ZNF212: variants seen among roughly 807,000 people sequenced by gnomAD.
The protein encoded by ZNF212 is zinc finger protein 212.
Under a neutral mutation model 47.3 loss-of-function variants are expected in ZNF212, and 32 were observed. The ratio of observed to expected loss-of-function variants is 0.68; its 90% confidence interval spans 0.51 to 0.91. The LOEUF is 0.91. ZNF212 is among the 40% of genes least tolerant of loss of function. ZNF212 has a pLI of 0.00. For synonymous variants in ZNF212, 242 were observed against 253.8 expected (o/e 0.95, Z 0.44); for missense variants, 555 against 622.8 (o/e 0.89, Z 1.16).
chr7:149,246,431 G>A lies in ZNF212; in HGVS notation c.25-3728G>A, dbSNP rs1796677646. 2.7e-5 allele frequency among the ~76,000 whole-genome samples: 4 copies of A among 150,308 alleles called. No individual in the cohort carries two copies. In the South Asian group the frequency reaches 8.4e-4, roughly 31 times the overall value. ...GGAGTCTTATTCTGTTGCCCAGGCT[G>A]GAGTGCAGTGACGTGATCTCAGCTC... On this transcript the variant is annotated intron_variant, in intron 1 of 4. Coordinates refer to ENST00000335870, the MANE Select transcript of ZNF212 (RefSeq NM_012256.4).
At chr7:149,246,588 A>G (rs1432755789) in intron 1 of ZNF212, among the ~76,000 whole-genome samples, 3 of 152,054 alleles carry the variant, frequency 2.0e-5, no homozygotes, top group African/African-American at 7.2e-5. Context: ...GGGTTTCACC[A>G]TGTTAGCCAG....
At position 149,245,753 on chromosome 7, in the gene ZNF212, C is replaced by T. The variant is rs141943339; in HGVS notation, c.25-4406C>T. 4.5e-3 allele frequency among the ~76,000 whole-genome samples: 686 copies of T among 152,308 alleles called. 4 individuals are homozygous for T. Among genetic ancestry groups the T allele is most frequent in the Admixed American group, 7.7e-3 (118 of 15,276 alleles). On this transcript the variant is annotated intron_variant, in intron 1 of 4. Transcript: ENST00000335870. ...AACTCCTGGGCTCAAGCTGTCCTCC[C>T]GCCTCAAGCCTCCCGAAGTGCTGGG...
chr7:149,241,934 C>T (rs771256755), intron 1 of ZNF212, among the ~76,000 whole-genome samples: 7 of 152,040 alleles, frequency 4.6e-5, no homozygotes, highest in Admixed American at 3.3e-4. Flanking sequence ...AGTTGTTAAA[C>T]CTTGGCACTG....
In ZNF212 at chr7:149,255,542, CA is replaced by C. The variant is rs761681395; in HGVS notation, c.*1128del. ...AGTGGGCTCTGGGGTCATATGTGAA[CA>C]TCCCCTTGGATGATTTGCGGTTGCT... On this transcript the variant is annotated 3_prime_UTR_variant, in exon 5 of 5. Coordinates refer to ENST00000335870, the MANE Select transcript of ZNF212 (RefSeq NM_012256.4). The C allele has an allele frequency of 6.5e-6, 1 of 153,530 alleles. No homozygotes were observed. The highest frequency in any genetic ancestry group is 1.5e-5 in the Non-Finnish European group (1 of 68,010). The allele number at this position is 153,530 out of a possible 1,614,324, so 9.5% of individuals were successfully genotyped here. A position where few individuals can be genotyped will look rare whatever the true frequency, so the allele number is the denominator to read the frequency against.
At chr7:149,246,642 G>A (rs552403494) in intron 1 of ZNF212, among the ~76,000 whole-genome samples, 124 of 151,964 alleles carry the variant, frequency 8.2e-4, no homozygotes, top group African/African-American at 2.8e-3. Context: ...CGCCCTCCTC[G>A]GCCTCCCAAA....
intron 3 of ZNF212, chr7:149,251,062 T>C (rs1285646697): frequency 2.5e-6 from 1 of 399,846 alleles, no homozygotes; most frequent in African/African-American, 2.0e-5. Context: ...GTTTTTTTTT[T>C]TTTTTTCCTG....
intron 1 of ZNF212, among the ~76,000 whole-genome samples, chr7:149,246,665 T>A (rs1190510028): frequency 6.6e-6 from 1 of 152,012 alleles, no homozygotes; most frequent in African/African-American, 2.4e-5. Flanking sequence ...GCTGGGGTTA[T>A]AGGTGTGAGC....
rs1049775967 is a variant in ZNF212, at chr7:149,253,842, C to A, written c.915C>A (p.Gly305=). Residue 305 remains glycine (G), a synonymous_variant, in exon 5 of 5, where the codon GGC becomes GGA. Coordinates refer to ENST00000335870, the MANE Select transcript of ZNF212 (RefSeq NM_012256.4). The part of the protein sequence containing the change: ...QVQLDQECGQ[G]LKLKKDTSRP... Reference sequence around the variant, plus strand: ...AGCTGGACCAGGAATGTGGGCAGGGCCTGAAGCTGAAAAAGGACACTTCCC... The same window carrying A: ...AGCTGGACCAGGAATGTGGGCAGGGACTGAAGCTGAAAAAGGACACTTCCC... 6.2e-7 allele frequency: 1 copy of A among 1,613,984 alleles called. No individual in the cohort carries two copies. Among genetic ancestry groups the A allele is most frequent in the Admixed American group, 1.7e-5 (1 of 60,020 alleles).
Position 149,254,487 on chromosome 7 carries a change from AG to A in ZNF212, c.*75del. 6.0e-6 allele frequency: 9 copies of A among 1,510,224 alleles called. No homozygotes were observed. Among genetic ancestry groups the A allele is most frequent in the Non-Finnish European group, 7.9e-6 (9 of 1,139,458 alleles). 93.6% of individuals were successfully genotyped at this position (1,510,224 alleles called of 1,614,324 possible). A position where few individuals can be genotyped will look rare whatever the true frequency, so the allele number is the denominator to read the frequency against. ...GTTCCCCCGAAGAGACACTGCAGTC[AG>A]GGACTGAGTTCTTCCTGAGGGCAGT... On this transcript the variant is annotated 3_prime_UTR_variant, in exon 5 of 5. Transcript: ENST00000335870. The surrounding 1 kb of genome is among the most constrained non-coding windows in gnomAD (Gnocchi z 4.5).
At chr7:149,251,941 T>TAAAAAAAAAAAAAA (rs36067111) in intron 3 of ZNF212, among the ~76,000 whole-genome samples, 1 of 109,540 alleles carries the variant, frequency 9.1e-6, no homozygotes, top group African/African-American at 3.5e-5. Context: ...CTCTGTTGCT[T>TAAAAAAAAAAAAAA]AAAAAAAAAA....
chr7:149,249,470 T>C (rs1331261873), intron 1 of ZNF212, among the ~76,000 whole-genome samples: 3 of 152,014 alleles, frequency 2.0e-5, no homozygotes, highest in African/African-American at 7.2e-5. Context: ...TAAAAATAGG[T>C]TTAAAAATGA....
At chr7:149,241,431 CAAAAAAAAAAA>C (rs35747561) in intron 1 of ZNF212, among the ~76,000 whole-genome samples, 3 of 76,742 alleles carry the variant, frequency 3.9e-5, no homozygotes, top group Admixed American at 3.0e-4. Flanking sequence ...GACTCTGTCT[CAAAAAAAAAAA>C]AAAAAAAAAA....
At chr7:149,248,427 T>G (rs948105451) in intron 1 of ZNF212, among the ~76,000 whole-genome samples, 1 of 152,226 alleles carries the variant, frequency 6.6e-6, no homozygotes, top group Non-Finnish European at 1.5e-5. Flanking sequence ...GAGACACAAT[T>G]CAACCCATAA....
Position 149,250,802 on chromosome 7 carries a change from C to T in ZNF212, c.536C>T (p.Ser179Phe), listed in dbSNP as rs1182555385. ...VMESNYETLV[S>F]LKVLGQTEGE... ...GAGAGTAACTATGAGACACTGGTCT[C>T]TCTGAGTGAGTAGCAGTTTTCTCCC... is the stretch of plus-strand genomic sequence containing the variant. Residue 179 changes from serine (S) to phenylalanine (F), a missense_variant, in exon 3 of 5, where the codon TCT becomes TTT. Physicochemically the swap from Ser to Phe is radical, Grantham distance 155. Transcript: ENST00000335870. 1 of 1,614,208 alleles carries T rather than the reference C, an allele frequency of 6.2e-7. No individual in the cohort carries two copies.
Position 149,253,868 on chromosome 7 carries a change from G to C in ZNF212, c.941G>C (p.Arg314Pro). The C allele has an allele frequency of 6.2e-7, 1 of 1,613,974 alleles. No individual in the cohort carries two copies. Among genetic ancestry groups the C allele is most frequent in the Non-Finnish European group, 8.5e-7 (1 of 1,180,032 alleles). Residue 314 changes from arginine to proline, a missense_variant, in exon 5 of 5, where the codon CGC becomes CCC. Physicochemically the swap from Arg to Pro is moderately radical, Grantham distance 103. Coordinates refer to ENST00000335870, the MANE Select transcript of ZNF212 (RefSeq NM_012256.4). ...QGLKLKKDTS[R>P]PYECSECEIT... ...CTGAAGCTGAAAAAGGACACTTCCC[G>C]CCCCTACGAATGTTCTGAGTGTGAG...
In ZNF212 at chr7:149,247,734, C is replaced by T. The variant is rs144679149; in HGVS notation, c.25-2425C>T. ...TTCCTTATGAGTTTTGTGTTTCTCT[C>T]CTAGCTTCTGGTGGTCCCATGTGTT... On this transcript the variant is annotated intron_variant, in intron 1 of 4. Transcript: ENST00000335870. Among the ~76,000 whole-genome samples the T allele has an allele frequency of 2.2e-4, 34 of 152,158 alleles. No homozygotes were observed. The East Asian group carries it at 6.4e-3, about 28-fold the overall frequency.
intron 3 of ZNF212, 81 bp from the exon 4 acceptor site, chr7:149,252,625 C>A: frequency 2.4e-6 from 3 of 1,268,392 alleles, no homozygotes; most frequent in South Asian, 1.2e-5. Flanking sequence ...TGCCATTGGT[C>A]ATCTTGGTCA....
rs1796825971 is a variant in ZNF212 at position 149,255,503 on chromosome 7, T to C, written c.*1088T>C. 6.5e-6 allele frequency: 1 copy of C among 153,686 alleles called. No homozygotes were observed. Among genetic ancestry groups the C allele is most frequent in the Non-Finnish European group, 1.5e-5 (1 of 68,062 alleles). The allele number at this position is 153,686 out of a possible 1,614,324, so 9.5% of individuals were successfully genotyped here. Reference sequence around the variant, plus strand: ...GTGTTGAATGTGTGCCCCGCTGCTGTCTGGGGGGATGGGAGTGGGCTCTGG... The same window carrying C: ...GTGTTGAATGTGTGCCCCGCTGCTGCCTGGGGGGATGGGAGTGGGCTCTGG... On this transcript the variant is annotated 3_prime_UTR_variant, in exon 5 of 5. Coordinates refer to ENST00000335870, the MANE Select transcript of ZNF212 (RefSeq NM_012256.4).
At chr7:149,243,829 A>G (rs1796635413) in intron 1 of ZNF212, among the ~76,000 whole-genome samples, 2 of 152,242 alleles carry the variant, frequency 1.3e-5, no homozygotes, top group Non-Finnish European at 2.9e-5. Flanking sequence ...GATGATAGAA[A>G]TGTTCTGCTC....
Sources: allele counts gnomAD v4.1 joint callset (sites outside exome capture counted in the v4.1 genomes callset), GRCh38; gene constraint gnomAD v4.1.1; non-coding constraint Gnocchi (gnomAD v3.1); transcripts MANE v1.5; gene names NCBI Gene and HGNC (gene_info 2026-07-23, HGNC 2026-07-21).